LMF1: variants seen among roughly 807,000 people sequenced by gnomAD.
The protein encoded by LMF1 is transmembrane protein 112.
In LMF1, 68 loss-of-function variants were observed where a neutral mutation model predicts 60.6. That is an observed-to-expected ratio of 1.12 (90% CI 0.92 to 1.37). The LOEUF (loss-of-function observed/expected upper bound fraction) is 1.37, where lower values mean the gene tolerates loss of function less well. Ranked by LOEUF, LMF1 falls within the 40% of genes most tolerant of loss-of-function variation. The pLI is 0.00. For synonymous variants in LMF1, 418 were observed against 324.7 expected (o/e 1.29, Z -3.09); for missense variants, 948 against 767.2 (o/e 1.24, Z -2.78).
intron 10 of LMF1, among the ~76,000 whole-genome samples, chr16:857,147 G>C (rs1285114297): frequency 6.6e-6 from 1 of 152,244 alleles, no homozygotes; most frequent in Admixed American, 6.5e-5. Flanking sequence ...GTGCACCCTA[G>C]TTTGTGCGGT....
intron 5 of LMF1, among the ~76,000 whole-genome samples, chr16:892,803 G>A (rs1429252464): frequency 6.6e-6 from 1 of 152,206 alleles, no homozygotes; most frequent in Non-Finnish European, 1.5e-5. Context: ...ACCATGGAGG[G>A]CCACAGACCC....
intron 2 of LMF1, among the ~76,000 whole-genome samples, chr16:949,597 C>T (rs1405769253): frequency 1.1e-4 from 14 of 124,628 alleles, no homozygotes; most frequent in Admixed American, 7.4e-4. Flanking sequence ...GAGTCAGAGA[C>T]GACAGAGTCA....
At chr16:958,628 T>C (rs1597078658) in intron 1 of LMF1, among the ~76,000 whole-genome samples, 2 of 152,282 alleles carry the variant, frequency 1.3e-5, no homozygotes, top group Middle Eastern at 3.4e-3. Context: ...GGCTCATGCC[T>C]GTAATCCCAG....
In LMF1 at chr16:869,069, G is replaced by C; in HGVS notation, c.1417-13C>G. 2 of 1,583,490 alleles carry C rather than the reference G, an allele frequency of 1.3e-6. No homozygotes were observed. The highest frequency in any genetic ancestry group is 1.7e-6 in the Non-Finnish European group (2 of 1,153,212). On this transcript the variant is annotated splice_polypyrimidine_tract_variant and intron_variant, in intron 9 of 10. Transcript: ENST00000262301. Reference sequence around the variant, plus strand: ...TGTGCTCGTAGGTCTGGGAGGAGAGGTCGGGCTGGAGACGGCTGTGCCACT... The same window carrying C: ...TGTGCTCGTAGGTCTGGGAGGAGAGCTCGGGCTGGAGACGGCTGTGCCACT...
At chr16:881,704 C>G (rs1453772192) in intron 5 of LMF1, among the ~76,000 whole-genome samples, 3 of 152,176 alleles carry the variant, frequency 2.0e-5, no homozygotes, top group African/African-American at 7.2e-5. Context: ...CTGCCACTTC[C>G]CTTTTAGGCT....
chr16:880,140 C>T (rs954488943), intron 5 of LMF1, among the ~76,000 whole-genome samples: 4 of 152,164 alleles, frequency 2.6e-5, no homozygotes, highest in Non-Finnish European at 5.9e-5. Context: ...CCACAGGCGG[C>T]CCCTCAGGCT....
intron 3 of LMF1, among the ~76,000 whole-genome samples, chr16:922,604 G>C (rs2071464586): frequency 6.7e-6 from 1 of 148,366 alleles, no homozygotes; most frequent in African/African-American, 2.5e-5. Flanking sequence ...GTTTTCTGGT[G>C]TGATGTGGTG....
At chr16:976,869 G>A (rs1028496925) in intron 1 of LMF1, 1 of 454,128 alleles carries the variant, frequency 2.2e-6, no homozygotes, top group Non-Finnish European at 4.4e-6. Flanking sequence ...CTGGGCAGGG[G>A]TCCCCAGCGG....
chr16:878,345 G>C lies in LMF1; in HGVS notation c.897+1225C>G, dbSNP rs2070054824. Among the ~76,000 whole-genome samples the C allele has an allele frequency of 6.6e-6, 1 of 152,110 alleles. No individual in the cohort carries two copies. On this transcript the variant is annotated intron_variant, in intron 6 of 10. Transcript: ENST00000262301. The surrounding 1 kb of genome is among the most constrained non-coding windows in gnomAD (Gnocchi z 5.2). Reference sequence around the variant, plus strand: ...GCCTCCAAGCAGCTAACGCGGAAAAGCCCGAGGGAGTCAGGAGCTGCTCAG... The same window carrying C: ...GCCTCCAAGCAGCTAACGCGGAAAACCCCGAGGGAGTCAGGAGCTGCTCAG...
intron 1 of LMF1, among the ~76,000 whole-genome samples, chr16:959,627 C>T (rs369645832): frequency 1.3e-5 from 2 of 152,218 alleles, no homozygotes; most frequent in Non-Finnish European, 2.9e-5. Flanking sequence ...GGGCAGGAGC[C>T]GCCTAAGCAA....
chr16:957,220 A>G (rs1032695855), intron 1 of LMF1, among the ~76,000 whole-genome samples: 1 of 152,238 alleles, frequency 6.6e-6, no homozygotes, highest in East Asian at 1.9e-4. Context: ...TGATAACAAT[A>G]TCACAAGAGC....
Position 853,808 on chromosome 16 carries a change from A to G in LMF1, c.*724T>C, listed in dbSNP as rs1184569295. 2.2e-6 allele frequency: 1 copy of G among 454,126 alleles called. No individual in the cohort carries two copies. Among genetic ancestry groups the G allele is most frequent in the Non-Finnish European group, 4.4e-6 (1 of 226,788 alleles). The allele number at this position is 454,126 out of a possible 1,614,324, so 28.1% of individuals were successfully genotyped here. On this transcript the variant is annotated 3_prime_UTR_variant, in exon 11 of 11. Transcript: ENST00000262301. ...GGGGCCTTGTCAAGGCCTCAGAGGC[A>G]GCGAGGTCACAGCCTGGTGGAGGGT...
intron 1 of LMF1, among the ~76,000 whole-genome samples, chr16:957,751 G>C (rs943141876): frequency 2.6e-5 from 4 of 152,198 alleles, no homozygotes; most frequent in Non-Finnish European, 4.4e-5. Context: ...GAACTCAATG[G>C]AATGGAAGAG....
chr16:977,030 C>T (rs1189642749), intron 1 of LMF1: 1 of 454,088 alleles, frequency 2.2e-6, no homozygotes, highest in Non-Finnish European at 4.4e-6. Context: ...GACGTCTGGG[C>T]TGCAGGCAGA....
chr16:981,543 C>T, upstream of LMF1: 3 of 166,088 alleles, frequency 1.8e-5, no homozygotes, highest in South Asian at 2.8e-4. Flanking sequence ...TCCCGGGGCT[C>T]CAGAGAGGGG....
chr16:871,071 G>C, intron 7 of LMF1, 90 bp downstream of exon 7: 1 of 1,433,670 alleles, frequency 7.0e-7, no homozygotes, highest in Non-Finnish European at 9.3e-7. Context: ...TCCTACCCTG[G>C]CGTCCCCAAC....
At chr16:865,536 G>A (rs953237065) in intron 10 of LMF1, among the ~76,000 whole-genome samples, 6 of 152,160 alleles carry the variant, frequency 3.9e-5, no homozygotes, top group East Asian at 1.9e-4. Flanking sequence ...TTGTAGAGAC[G>A]AGACTTCACC....
chr16:914,724 ACTCT>A (rs1410146694), intron 3 of LMF1, among the ~76,000 whole-genome samples: 19 of 1,186 alleles, frequency 0.016, no homozygotes, highest in Admixed American at 0.022. Context: ...CATTGGTGAC[ACTCT>A]CCCTCCCTCC....
intron 5 of LMF1, among the ~76,000 whole-genome samples, chr16:882,431 A>G (rs1303246433): frequency 6.6e-6 from 1 of 152,234 alleles, no homozygotes; most frequent in Non-Finnish European, 1.5e-5. Context: ...CTCTACTCTG[A>G]GGCCACCAAG....
Sources: gnomAD v4.1 joint callset for allele counts (sites outside exome capture counted in the v4.1 genomes callset) on GRCh38, gnomAD v4.1.1 for gene constraint, Gnocchi (gnomAD v3.1) non-coding constraint, MANE v1.5 for transcripts, NCBI Gene and HGNC (gene_info 2026-07-23, HGNC 2026-07-21) for gene names.